The following CACNA1B variants were observed in gnomAD, a reference collection of about 807,000 sequenced individuals.
The protein encoded by CACNA1B is calcium voltage-gated channel subunit alpha1 B, also known as voltage-dependent N-type calcium channel subunit alpha-1B.
A neutral mutation model predicts 247.2 loss-of-function variants in CACNA1B; 70 were observed. The observed-to-expected ratio is 0.28, with a 90% CI of 0.23 to 0.35. The LOEUF (loss-of-function observed/expected upper bound fraction) is 0.35, where lower values mean the gene tolerates loss of function less well. Ranked by LOEUF, CACNA1B falls within the 10% of genes least tolerant of loss-of-function variation. The pLI, the probability that CACNA1B is intolerant of heterozygous loss-of-function variation, is 1.00. For missense variants in CACNA1B, 2,367 were observed against 3,197.4 expected, an observed-to-expected ratio of 0.74 and a Z score of 6.26; for synonymous variants, 1,231 against 1,294.4, an observed-to-expected ratio of 0.95 and a Z score of 1.05.
In CACNA1B at chr9:138,058,835, C is replaced by A; in HGVS notation, c.4473+102C>A. On this transcript the variant is annotated intron_variant, in intron 29 of 46. Coordinates refer to ENST00000371372, the MANE Select transcript of CACNA1B (RefSeq NM_000718.4). The surrounding 1 kb of genome is among the most constrained non-coding windows in gnomAD (Gnocchi z 4.7). ...CAGCCTTCTTCCTCCCTGCATGAGC[C>A]AAAGCAGTAGTGGCCTTGCATCCTG... is the stretch of plus-strand genomic sequence containing the variant. The A allele has an allele frequency of 9.1e-7, 1 of 1,102,028 alleles. No homozygotes were observed. Among genetic ancestry groups the A allele is most frequent in the Non-Finnish European group, 1.3e-6 (1 of 753,428 alleles). The allele number at this position is 1,102,028 out of a possible 1,614,324, so 68.3% of individuals were successfully genotyped here. A position where few individuals can be genotyped will look rare whatever the true frequency, so the allele number is the denominator to read the frequency against.
In CACNA1B at chr9:138,000,159, T is replaced by G. The variant is rs576466994; in HGVS notation, c.1975-6608T>G. Among the ~76,000 whole-genome samples the G allele has an allele frequency of 4.0e-5, 6 of 150,302 alleles. 1 individual carries two copies. Among genetic ancestry groups the G allele is most frequent in the South Asian group, 4.2e-4 (2 of 4,748 alleles). ...TGTCGCCCAGGCTGGAGTGCAGTGG[T>G]GCGATCTCGGCTCACTGCAAGCTCC... On this transcript the variant is annotated intron_variant, in intron 15 of 46. Transcript: ENST00000371372.
chr9:137,915,586 A>G (rs117441053), intron 5 of CACNA1B, among the ~76,000 whole-genome samples: 4,539 of 152,268 alleles, frequency 0.03, 94 homozygotes, highest in South Asian at 0.08. Flanking sequence ...GCACTTTTAG[A>G]AAAAGGTTTT....
rs1384898044 is a variant in CACNA1B, at chr9:137,899,127, G to A, written c.531-14053G>A. On this transcript the variant is annotated intron_variant, in intron 3 of 46. Transcript: ENST00000371372. This position sits in a 1 kb window ranked among gnomAD's most constrained non-coding sequence, Gnocchi z 5.0. ...TTGTCAGTTGGAGTCTCTCTCTGTT[G>A]CCCAGGGTGGAGTGCAGTGCTGCAA... 6.6e-6 allele frequency among the ~76,000 whole-genome samples: 1 copy of A among 150,620 alleles called. No individual in the cohort carries two copies. The highest frequency in any genetic ancestry group is 2.0e-4 in the East Asian group (1 of 5,098).
intron 7 of CACNA1B, among the ~76,000 whole-genome samples, chr9:137,953,778 T>A (rs1163412078): frequency 6.6e-6 from 1 of 152,130 alleles, no homozygotes; most frequent in Non-Finnish European, 1.5e-5. Context: ...GTTGCAGAGA[T>A]GCTTGGAGCT....
rs370902919 is a variant in CACNA1B, at chr9:138,052,247, T to TGC, written c.3807+61_3807+62dup. The TGC allele has an allele frequency of 3.5e-6, 3 of 850,820 alleles. No homozygotes were observed. In the Admixed American group the frequency reaches 6.0e-5, roughly 17 times the overall value. The allele number at this position is 850,820 out of a possible 1,614,324, so 52.7% of individuals were successfully genotyped here. On this transcript the variant is annotated intron_variant, in intron 25 of 46. Transcript: ENST00000371372. This position sits in a 1 kb window ranked among gnomAD's most constrained non-coding sequence, Gnocchi z 5.1. ...CTGTGTGTGTGTGCGTGTGTGTGTG[T>TGC]GCGTGTGTGTGTGTGTATGCATGCA...
chr9:137,891,606 G>T lies in CACNA1B; in HGVS notation c.530+8723G>T. The T allele has an allele frequency of 5.0e-6, 1 of 201,700 alleles. No individual in the cohort carries two copies. 12.5% of individuals were successfully genotyped at this position (201,700 alleles called of 1,614,324 possible). A position where few individuals can be genotyped will look rare whatever the true frequency, so the allele number is the denominator to read the frequency against. On this transcript the variant is annotated intron_variant, in intron 3 of 46. Transcript: ENST00000371372. The surrounding 1 kb of genome is among the most constrained non-coding windows in gnomAD (Gnocchi z 4.3). ...CTTGCTCCTGTGGGCACGTGGTGGTGGACACCCCTTCCTGCTCTCCTTCTC... is the reference window on the plus strand; with the variant it reads ...CTTGCTCCTGTGGGCACGTGGTGGTTGACACCCCTTCCTGCTCTCCTTCTC...
chr9:137,967,381 C>T (rs892373837), intron 10 of CACNA1B, among the ~76,000 whole-genome samples: 13 of 152,182 alleles, frequency 8.5e-5, no homozygotes, highest in African/African-American at 2.7e-4. Context: ...TCTTGACTGT[C>T]GCCCGTCCCT....
At chr9:138,074,128 C>T in intron 34 of CACNA1B, 62 bp downstream of exon 34, 2 of 1,124,008 alleles carry the variant, frequency 1.8e-6, no homozygotes, top group Non-Finnish European at 1.4e-6. Flanking sequence ...AGCAGAGGGG[C>T]ACTGATCATG....
chr9:138,099,959 G>T (rs1027917050), intron 37 of CACNA1B, among the ~76,000 whole-genome samples: 5 of 152,238 alleles, frequency 3.3e-5, no homozygotes, highest in African/African-American at 1.2e-4. Context: ...ATGTGCTGGG[G>T]CAGGGGCCCA....
rs954768849 is a variant in CACNA1B, at chr9:138,093,739, CA to C, written c.5095-2735del. ...TGGGAGACAGAGCAAGACTCCATCT[CA>C]AAAAAAAAACTAATAAATTAATTAA... On this transcript the variant is annotated intron_variant, in intron 36 of 46. Coordinates refer to ENST00000371372, the MANE Select transcript of CACNA1B (RefSeq NM_000718.4). Among the ~76,000 whole-genome samples, 652 of 142,100 alleles carry C rather than the reference CA, an allele frequency of 4.6e-3. 3 individuals carry two copies. The highest frequency in any genetic ancestry group is 7.1e-3 in the Non-Finnish European group (459 of 64,734). 93.2% of individuals were successfully genotyped at this position (142,100 alleles called of 152,430 possible).
Position 137,899,117 on chromosome 9 carries a change from T to C in CACNA1B, c.531-14063T>C, listed in dbSNP as rs529240613. Among the ~76,000 whole-genome samples, 204 of 151,882 alleles carry C rather than the reference T, an allele frequency of 1.3e-3. 2 individuals are homozygous for C. The highest frequency in any genetic ancestry group is 4.6e-3 in the African/African-American group (191 of 41,456). On this transcript the variant is annotated intron_variant, in intron 3 of 46. Coordinates refer to ENST00000371372, the MANE Select transcript of CACNA1B (RefSeq NM_000718.4). This position sits in a 1 kb window ranked among gnomAD's most constrained non-coding sequence, Gnocchi z 5.0. ...TCTTTTTTTTTTGTCAGTTGGAGTC[T>C]CTCTCTGTTGCCCAGGGTGGAGTGC...
rs202033402 is a variant in CACNA1B at position 138,049,235 on chromosome 9, C to T, written c.3630C>T (p.His1210=). 2.5e-6 allele frequency: 4 copies of T among 1,612,716 alleles called. No individual in the cohort carries two copies. The highest frequency in any genetic ancestry group is 8.5e-7 in the Non-Finnish European group (1 of 1,178,672). ...IKMIDLGLLL[H]PGAYFRDLWN... is the part of the protein sequence containing the mutation. Reference sequence around the variant, plus strand: ...TGATCGACTTGGGACTGCTGCTTCACCCTGGAGCCTATTTCCGGGACTTGT... The same window carrying T: ...TGATCGACTTGGGACTGCTGCTTCATCCTGGAGCCTATTTCCGGGACTTGT... Residue 1210 remains histidine (H), a synonymous_variant, in exon 24 of 47, where the codon CAC becomes CAT. Coordinates refer to ENST00000371372, the MANE Select transcript of CACNA1B (RefSeq NM_000718.4).
Position 137,882,918 on chromosome 9 carries a change from A to T in CACNA1B, c.530+35A>T, listed in dbSNP as rs1110146. The T allele has an allele frequency of 5.7e-6, 9 of 1,568,138 alleles. 1 individual carries two copies. Among genetic ancestry groups the T allele is most frequent in the African/African-American group, 2.8e-5 (2 of 72,708 alleles). ...CTGAGGCCAGGAGGCCCAGCGTGTG[A>T]GGCCCGGGCGTGTGCTCTCTGAAGC... On this transcript the variant is annotated intron_variant, in intron 3 of 46. Transcript: ENST00000371372. This position sits in a 1 kb window ranked among gnomAD's most constrained non-coding sequence, Gnocchi z 4.0.
intron 22 of CACNA1B, 144 bp from the exon 23 acceptor site, chr9:138,047,255 C>G: frequency 1.4e-6 from 1 of 730,832 alleles, no homozygotes; most frequent in Non-Finnish European, 2.3e-6. Flanking sequence ...TGTCAGAGAC[C>G]CCCTTCCCAG....
chr9:138,017,386 C>A (rs960744607), intron 18 of CACNA1B, among the ~76,000 whole-genome samples: 1 of 152,252 alleles, frequency 6.6e-6, no homozygotes, highest in Non-Finnish European at 1.5e-5. Flanking sequence ...CAAGTCCTGC[C>A]ACGGGGTCAG....
chr9:138,058,566 C>T lies in CACNA1B; in HGVS notation c.4309-3C>T, dbSNP rs755655069. The T allele has an allele frequency of 6.2e-7, 1 of 1,608,142 alleles. No individual in the cohort carries two copies. Among genetic ancestry groups the T allele is most frequent in the South Asian group, 1.1e-5 (1 of 90,258 alleles). On this transcript the variant is annotated splice_region_variant and splice_polypyrimidine_tract_variant and intron_variant, in intron 28 of 46. Coordinates refer to ENST00000371372, the MANE Select transcript of CACNA1B (RefSeq NM_000718.4). This position sits in a 1 kb window ranked among gnomAD's most constrained non-coding sequence, Gnocchi z 4.7. ...GTCTCTGTGCTCCTTTCTCCCCTTACAGAGGGCTTGCATTGACTTCGCCAT... is the reference window on the plus strand; with the variant it reads ...GTCTCTGTGCTCCTTTCTCCCCTTATAGAGGGCTTGCATTGACTTCGCCAT...
Position 137,914,384 on chromosome 9 carries a change from A to C in CACNA1B, c.623-270A>C, listed in dbSNP as rs867724586. On this transcript the variant is annotated intron_variant, in intron 4 of 46. Transcript: ENST00000371372. This position sits in a 1 kb window ranked among gnomAD's most constrained non-coding sequence, Gnocchi z 4.3. ...TCATACCCTGACACCCCCACATCCC[A>C]CTCCTCTGCCTACTTTGAGACACTT... Among the ~76,000 whole-genome samples the C allele has an allele frequency of 4.5e-5, 6 of 133,070 alleles. No individual in the cohort carries two copies. Among genetic ancestry groups the C allele is most frequent in the Admixed American group, 7.8e-5 (1 of 12,842 alleles). The allele number at this position is 133,070 out of a possible 152,430, so 87.3% of individuals were successfully genotyped here.
chr9:138,037,981 G>A (rs1355205722), intron 20 of CACNA1B, among the ~76,000 whole-genome samples: 1 of 152,198 alleles, frequency 6.6e-6, no homozygotes, highest in East Asian at 1.9e-4. Flanking sequence ...CTGTAAGAAA[G>A]ATCTTACCTC....
rs1035013053 is a variant in CACNA1B at position 137,971,741 on chromosome 9, G to T, written c.1543+149G>T. 2 of 686,700 alleles carry T rather than the reference G, an allele frequency of 2.9e-6. No homozygotes were observed. The highest frequency in any genetic ancestry group is 5.4e-5 in the East Asian group (2 of 36,888). 42.5% of individuals were successfully genotyped at this position (686,700 alleles called of 1,614,324 possible). On this transcript the variant is annotated intron_variant, in intron 11 of 46. Transcript: ENST00000371372. This position sits in a 1 kb window ranked among gnomAD's most constrained non-coding sequence, Gnocchi z 4.4. The stretch of plus-strand genomic sequence containing the variant: ...ATCCCACAGCCCTAGTCAGCCTCCA[G>T]GAGCCTCTGTGGGGGCCTGGGGTGT...
Sources: allele counts gnomAD v4.1 joint callset (sites outside exome capture counted in the v4.1 genomes callset), GRCh38; gene constraint gnomAD v4.1.1; non-coding constraint Gnocchi (gnomAD v3.1); transcripts MANE v1.5; gene names NCBI Gene and HGNC (gene_info 2026-07-23, HGNC 2026-07-21).